UBE2E2: variants seen among roughly 807,000 people sequenced by gnomAD.
UBE2E2 encodes the protein ubiquitin-conjugating enzyme E2 E2.
In UBE2E2, 6 loss-of-function variants were observed where a neutral mutation model predicts 24.7. The observed-to-expected ratio is 0.24, with a 90% CI of 0.13 to 0.48. The LOEUF (loss-of-function observed/expected upper bound fraction) is 0.48. Ranked by LOEUF, UBE2E2 falls within the 20% of genes least tolerant of loss-of-function variation. The pLI is 0.99. For synonymous variants in UBE2E2, 104 were observed against 83.6 expected, an observed-to-expected ratio of 1.24 and a Z score of -1.33; for missense variants, 169 against 245.0, an observed-to-expected ratio of 0.69 and a Z score of 2.07.
intron 3 of UBE2E2, among the ~76,000 whole-genome samples, chr3:23,471,698 A>G (rs1460026025): frequency 6.6e-6 from 1 of 152,234 alleles, no homozygotes; most frequent in Non-Finnish European, 1.5e-5. Flanking sequence ...TCCAGAACAA[A>G]TGCTGTCACT....
At chr3:23,576,159 A>G (rs1305084317) in intron 5 of UBE2E2, among the ~76,000 whole-genome samples, 1 of 152,184 alleles carries the variant, frequency 6.6e-6, no homozygotes, top group Non-Finnish European at 1.5e-5. Context: ...CACATCTGTT[A>G]TGTTTTAATT....
intron 3 of UBE2E2, among the ~76,000 whole-genome samples, chr3:23,350,027 C>G (rs777028891): frequency 9.2e-5 from 14 of 152,176 alleles, no homozygotes; most frequent in Non-Finnish European, 1.6e-4. Flanking sequence ...AGGTACTCCT[C>G]TGAGACAAAA....
chr3:23,204,852 A>C, intron 1 of UBE2E2: 1 of 730,594 alleles, frequency 1.4e-6, no homozygotes, highest in Non-Finnish European at 1.7e-6. Flanking sequence ...TATATGACAG[A>C]ATTAAACGCT....
chr3:23,553,495 T>C (rs1695700054), intron 5 of UBE2E2, among the ~76,000 whole-genome samples: 1 of 152,182 alleles, frequency 6.6e-6, no homozygotes, highest in Admixed American at 6.5e-5. Context: ...GTTAATAAAC[T>C]GACATTGCTC....
At chr3:23,506,394 G>T (rs772969449) in intron 4 of UBE2E2, among the ~76,000 whole-genome samples, 1 of 152,146 alleles carries the variant, frequency 6.6e-6, no homozygotes, top group Non-Finnish European at 1.5e-5. Flanking sequence ...ATCAATGAAT[G>T]TCAGGTCTTT....
At chr3:23,372,251 G>T (rs1313758305) in intron 3 of UBE2E2, among the ~76,000 whole-genome samples, 2 of 152,118 alleles carry the variant, frequency 1.3e-5, no homozygotes, top group African/African-American at 4.8e-5. Context: ...GGGTACTTCA[G>T]ACTGGGATTT....
At chr3:23,293,069 G>A (rs1190797564) in intron 3 of UBE2E2, among the ~76,000 whole-genome samples, 7 of 152,122 alleles carry the variant, frequency 4.6e-5, no homozygotes, top group Non-Finnish European at 7.3e-5. Context: ...GCGAAACTCC[G>A]TCTCAAAAAA....
intron 5 of UBE2E2, among the ~76,000 whole-genome samples, chr3:23,542,088 C>A (rs979176369): frequency 2.0e-5 from 3 of 152,180 alleles, no homozygotes; most frequent in African/African-American, 7.2e-5. Flanking sequence ...GAAAAGAGTT[C>A]AGCTTACAAT....
At chr3:23,235,251 T>TG (rs760780277) in intron 3 of UBE2E2, among the ~76,000 whole-genome samples, 3 of 152,118 alleles carry the variant, frequency 2.0e-5, no homozygotes, top group Non-Finnish European at 4.4e-5. Context: ...AGTTTTAGTG[T>TG]GGGGTTCTAG....
At chr3:23,504,735 C>A (rs79538659) in intron 4 of UBE2E2, among the ~76,000 whole-genome samples, 1 of 151,870 alleles carries the variant, frequency 6.6e-6, no homozygotes, top group Admixed American at 6.6e-5. Context: ...TATTTCTTTT[C>A]GTGAATAATA....
At chr3:23,298,845 A>T (rs561791899) in intron 3 of UBE2E2, among the ~76,000 whole-genome samples, 6 of 152,170 alleles carry the variant, frequency 3.9e-5, no homozygotes, top group Non-Finnish European at 5.9e-5. Flanking sequence ...ATTGATTGGA[A>T]TAGTTTCAGA....
chr3:23,335,726 G>T lies in UBE2E2; in HGVS notation c.227+118414G>T, dbSNP rs557345369. On this transcript the variant is annotated intron_variant, in intron 3 of 5. Transcript: ENST00000396703. ...ATTTTAAAATTTTTGTAGAGATGGGGTCTCACTGTGTTGTTCAGGCTGGTC... is the reference window on the plus strand; with the variant it reads ...ATTTTAAAATTTTTGTAGAGATGGGTTCTCACTGTGTTGTTCAGGCTGGTC... Among the ~76,000 whole-genome samples the T allele has an allele frequency of 6.6e-5, 10 of 152,180 alleles. No homozygotes were observed. In the East Asian group the frequency reaches 1.7e-3, roughly 26 times the overall value.
Position 23,547,818 on chromosome 3 carries a change from A to G in UBE2E2, c.508+15117A>G, listed in dbSNP as rs559812308. 1.6e-4 allele frequency among the ~76,000 whole-genome samples: 24 copies of G among 152,304 alleles called. 1 individual carries two copies. In the South Asian group the frequency reaches 4.8e-3, roughly 30 times the overall value. ...TTTTTCAGGTCATCTTTCAGAATGT[A>G]CTACCTTCTGAGACCTCTGATACTA... On this transcript the variant is annotated intron_variant, in intron 5 of 5. Transcript: ENST00000396703.
At chr3:23,447,815 T>G (rs2125413816) in intron 3 of UBE2E2, among the ~76,000 whole-genome samples, 1 of 152,308 alleles carries the variant, frequency 6.6e-6, no homozygotes, top group South Asian at 2.1e-4. Context: ...CTCAGTGGTT[T>G]GTAAAGTGAT....
chr3:23,460,356 A>C (rs61410600), intron 3 of UBE2E2, among the ~76,000 whole-genome samples: 149 of 152,348 alleles, frequency 9.8e-4, no homozygotes, highest in African/African-American at 3.3e-3. Flanking sequence ...AATGCTTATC[A>C]CAGAAGTGTT....
At chr3:23,570,112 T>C (rs1421677064) in intron 5 of UBE2E2, among the ~76,000 whole-genome samples, 4 of 152,210 alleles carry the variant, frequency 2.6e-5, no homozygotes, top group Non-Finnish European at 5.9e-5. Flanking sequence ...ATATCTTCTT[T>C]CTACTCCATC....
At chr3:23,553,291 C>T (rs1695693688) in intron 5 of UBE2E2, among the ~76,000 whole-genome samples, 1 of 151,206 alleles carries the variant, frequency 6.6e-6, no homozygotes, top group Non-Finnish European at 1.5e-5. Flanking sequence ...ATTGATATTA[C>T]ATTATAAACT....
intron 3 of UBE2E2, among the ~76,000 whole-genome samples, chr3:23,243,413 C>T (rs1053639270): frequency 1.3e-5 from 2 of 152,170 alleles, no homozygotes; most frequent in Non-Finnish European, 2.9e-5. Context: ...CCTCAGTGTT[C>T]CCCTCAGACC....
chr3:23,298,523 T>G (rs1698976958), intron 3 of UBE2E2, among the ~76,000 whole-genome samples: 2 of 152,156 alleles, frequency 1.3e-5, no homozygotes, highest in South Asian at 4.1e-4. Context: ...GTCAAAGGCC[T>G]TTTCTGCATC....
Sources: allele counts gnomAD v4.1 joint callset (sites outside exome capture counted in the v4.1 genomes callset), GRCh38; gene constraint gnomAD v4.1.1; transcripts MANE v1.5; gene names NCBI Gene and HGNC (gene_info 2026-07-23, HGNC 2026-07-21).